Variants in SEPTIN11 observed in about 807,000 individuals in gnomAD.
SEPTIN11 encodes the protein septin 11.
In SEPTIN11, 25 loss-of-function variants were observed where a neutral mutation model predicts 51.4. The observed-to-expected ratio is 0.49, with a 90% CI of 0.35 to 0.68. The LOEUF is 0.68. Among genes scored for constraint, SEPTIN11 ranks in the 30% least tolerant of loss-of-function variants. SEPTIN11 has a pLI of 0.00. For missense variants in SEPTIN11, 381 were observed against 520.8 expected (o/e 0.73, Z 2.61); for synonymous variants, 174 against 184.1 (o/e 0.95, Z 0.44).
intron 5 of SEPTIN11, among the ~76,000 whole-genome samples, chr4:77,018,302 AGCTGGGCATG>A (rs1226010236): frequency 6.6e-6 from 1 of 152,136 alleles, no homozygotes; most frequent in African/African-American, 2.4e-5. Flanking sequence ...TACAAAAATT[AGCTGGGCATG>A]GTGGCCGGTG....
At chr4:76,950,888 G>A (rs189511322) in intron 1 of SEPTIN11, among the ~76,000 whole-genome samples, 69 of 152,328 alleles carry the variant, frequency 4.5e-4, no homozygotes, top group Admixed American at 1.8e-3. Context: ...GAAAGGCGGA[G>A]TCCTCCTGTT....
At chr4:76,985,509 G>A (rs1242752576) in intron 1 of SEPTIN11, among the ~76,000 whole-genome samples, 1 of 152,204 alleles carries the variant, frequency 6.6e-6, no homozygotes, top group Non-Finnish European at 1.5e-5. Flanking sequence ...ATTTCTGATG[G>A]AATGAAGGTG....
Position 76,990,025 on chromosome 4 carries a change from C to G in SEPTIN11, c.28-6400C>G, listed in dbSNP as rs186583727. Among the ~76,000 whole-genome samples, 339 of 152,210 alleles carry G rather than the reference C, an allele frequency of 2.2e-3. 1 individual carries two copies. The highest frequency in any genetic ancestry group is 5.4e-3 in the Admixed American group (82 of 15,290). On this transcript the variant is annotated intron_variant, in intron 1 of 9. Transcript: ENST00000264893. ...AGATTTATTGTGAAGAGCAAAAGAA[C>G]AAAGCTTCCACAGCGTGGAAGGGGA...
chr4:77,017,576 A>G (rs548229302), intron 5 of SEPTIN11, among the ~76,000 whole-genome samples: 63 of 152,294 alleles, frequency 4.1e-4, no homozygotes, highest in African/African-American at 1.5e-3. Context: ...AGGGTGTGAG[A>G]TGAACTAGAA....
In SEPTIN11 at chr4:76,960,403, TC is replaced by T. The variant is rs536973997; in HGVS notation, c.27+10475del. Among the ~76,000 whole-genome samples the T allele has an allele frequency of 1.7e-4, 26 of 152,318 alleles. No individual in the cohort carries two copies. The South Asian group carries it at 5.4e-3, about 32-fold the overall frequency. ...TTTAGTTGTTGATAATCAAATTTGC[TC>T]CTTCAGAAACTAAAATTCCAAGGTA... On this transcript the variant is annotated intron_variant, in intron 1 of 9. Transcript: ENST00000264893.
chr4:76,976,937 A>C (rs1382582206), intron 1 of SEPTIN11, among the ~76,000 whole-genome samples: 4 of 152,176 alleles, frequency 2.6e-5, no homozygotes, highest in African/African-American at 9.7e-5. Context: ...GGAAGCCCTG[A>C]TGGATGTTTA....
At chr4:77,028,793 T>C in intron 8 of SEPTIN11, 32 bp downstream of exon 8, 4 of 1,585,164 alleles carry the variant, frequency 2.5e-6, no homozygotes, top group Non-Finnish European at 2.6e-6. Flanking sequence ...AAGGGAAAGA[T>C]TTGTAAGAGA....
chr4:77,020,780 G>A (rs1019892133), intron 7 of SEPTIN11, 110 bp downstream of exon 7: 5 of 1,038,636 alleles, frequency 4.8e-6, no homozygotes, highest in Non-Finnish European at 6.9e-6. Context: ...GAAGGATCTG[G>A]TGGGTGAAGA....
chr4:77,016,067 C>T (rs1725200983), intron 5 of SEPTIN11, among the ~76,000 whole-genome samples: 2 of 152,190 alleles, frequency 1.3e-5, no homozygotes, highest in South Asian at 2.1e-4. Context: ...CAGGATTGAA[C>T]GTATAATAAG....
intron 1 of SEPTIN11, among the ~76,000 whole-genome samples, chr4:76,972,213 C>A (rs1722281337): frequency 6.6e-6 from 1 of 152,300 alleles, no homozygotes; most frequent in South Asian, 2.1e-4. Context: ...CTTCTCCTAG[C>A]CAGTCATGTA....
At chr4:76,976,783 T>G (rs1007372430) in intron 1 of SEPTIN11, among the ~76,000 whole-genome samples, 1 of 152,198 alleles carries the variant, frequency 6.6e-6, no homozygotes, top group African/African-American at 2.4e-5. Context: ...TTGCAAATGT[T>G]AGAATCCCGT....
chr4:77,039,088 A>G (rs1232906752), downstream of SEPTIN11: 2 of 1,289,170 alleles, frequency 1.6e-6, no homozygotes, highest in Non-Finnish European at 2.0e-6. Context: ...TCTTTATGTA[A>G]CCATCCTGTT....
At chr4:77,023,668 T>C (rs1725903575) in intron 7 of SEPTIN11, among the ~76,000 whole-genome samples, 1 of 152,180 alleles carries the variant, frequency 6.6e-6, no homozygotes, top group Admixed American at 6.5e-5. Flanking sequence ...TGATTTTCCT[T>C]TTCTTGGAAA....
intron 1 of SEPTIN11, among the ~76,000 whole-genome samples, chr4:76,995,297 A>T (rs11730301): frequency 6.6e-6 from 1 of 151,706 alleles, no homozygotes; most frequent in Non-Finnish European, 1.5e-5. Context: ...CACTAGAATC[A>T]CTTGAACCTA....
chr4:76,965,265 A>G (rs1326599030), intron 1 of SEPTIN11, among the ~76,000 whole-genome samples: 2 of 152,206 alleles, frequency 1.3e-5, no homozygotes, highest in South Asian at 2.1e-4. Flanking sequence ...AGCCTGGCCA[A>G]CATGGTGAAA....
At position 77,024,942 on chromosome 4, in the gene SEPTIN11, A is replaced by T. The variant is rs760004424; in HGVS notation, c.954-3687A>T. 2.0e-5 allele frequency among the ~76,000 whole-genome samples: 3 copies of T among 152,202 alleles called. No homozygotes were observed. The highest frequency in any genetic ancestry group is 2.9e-5 in the Non-Finnish European group (2 of 68,030). On this transcript the variant is annotated intron_variant, in intron 7 of 9. Coordinates refer to ENST00000264893, the MANE Select transcript of SEPTIN11 (RefSeq NM_018243.4). The surrounding 1 kb of genome is among the most constrained non-coding windows in gnomAD (Gnocchi z 4.2). ...CTCCACTCCACAAAAGCTGGTGGAG[A>T]TGATCATACTCTGGCCTGCCCTCCA...
Position 76,996,504 on chromosome 4 carries a change from C to T in SEPTIN11, c.107C>T (p.Thr36Ile). The change falls in exon 2 of 10, where the codon ACT (threonine) becomes ATT (isoleucine). Residue 36 changes from threonine (T) to isoleucine (I), a missense_variant. Around this residue, in one of 2 missense-constraint regions of SEPTIN11, gnomAD observed 184 missense variants for 207.7 expected, o/e 0.89. Coordinates refer to ENST00000264893, the MANE Select transcript of SEPTIN11 (RefSeq NM_018243.4). ...SLPDQLVNKS[T>I]SQGFCFNILC... ...CCTGACCAGCTGGTCAACAAGTCTA[C>T]TTCTCAAGGATTCTGTTTCAACATC... 2.5e-6 allele frequency: 4 copies of T among 1,614,036 alleles called. No homozygotes were observed. The highest frequency in any genetic ancestry group is 2.5e-6 in the Non-Finnish European group (3 of 1,179,890).
chr4:76,951,987 G>C (rs889580252), intron 1 of SEPTIN11, among the ~76,000 whole-genome samples: 1 of 152,202 alleles, frequency 6.6e-6, no homozygotes. Context: ...ACAATCTAAA[G>C]ACAGAAGACT....
At chr4:77,022,766 G>A (rs546993870) in intron 7 of SEPTIN11, among the ~76,000 whole-genome samples, 1 of 152,296 alleles carries the variant, frequency 6.6e-6, no homozygotes, top group South Asian at 2.1e-4. Flanking sequence ...AATGTTCAGA[G>A]CCATTTGGCA....
Sources: gnomAD v4.1 joint callset for allele counts (sites outside exome capture counted in the v4.1 genomes callset) on GRCh38, gnomAD v4.1.1 for gene constraint, gnomAD v4.1.1 regional missense constraint, Gnocchi (gnomAD v3.1) non-coding constraint, MANE v1.5 for transcripts, NCBI Gene and HGNC (gene_info 2026-07-23, HGNC 2026-07-21) for gene names.